FOCAD: variants seen among roughly 807,000 people sequenced by gnomAD.
FOCAD encodes the protein focadhesin.
A neutral mutation model predicts 225.6 loss-of-function variants in FOCAD; 198 were observed. That is an observed-to-expected ratio of 0.88 (90% CI 0.78 to 0.99). The LOEUF (loss-of-function observed/expected upper bound fraction) is 0.99, where lower values mean the gene tolerates loss of function less well. FOCAD is among the 50% of genes least tolerant of loss of function. FOCAD has a pLI of 0.00. For missense variants in FOCAD, 2,713 were observed against 2,123.6 expected (o/e 1.28, Z -5.46); for synonymous variants, 897 against 755.0 (o/e 1.19, Z -3.08).
chr9:20,756,553 A>G (rs935396398), intron 5 of FOCAD, among the ~76,000 whole-genome samples: 7 of 152,206 alleles, frequency 4.6e-5, no homozygotes, highest in Non-Finnish European at 4.4e-5. Flanking sequence ...TAGCAGTCTA[A>G]GATAACAGAC....
chr9:20,689,677 A>T (rs1327258242), intron 1 of FOCAD, among the ~76,000 whole-genome samples: 4 of 152,178 alleles, frequency 2.6e-5, no homozygotes, highest in African/African-American at 4.8e-5. Flanking sequence ...GCGAGTAAAG[A>T]TTATTTAGAG....
intron 14 of FOCAD, 62 bp downstream of exon 14, chr9:20,821,133 T>G: frequency 6.7e-7 from 1 of 1,496,606 alleles, no homozygotes; most frequent in East Asian, 2.4e-5. Context: ...TTTAATTTTT[T>G]AATTGCAAGC....
intron 15 of FOCAD, among the ~76,000 whole-genome samples, chr9:20,844,418 T>C (rs537111106): frequency 7.8e-6 from 1 of 128,514 alleles, no homozygotes; most frequent in Non-Finnish European, 1.6e-5. Flanking sequence ...TGGAATGCAG[T>C]GGTGTGATCT....
chr9:20,765,439 GAAA>G (rs1003908083), intron 7 of FOCAD, among the ~76,000 whole-genome samples: 1 of 143,402 alleles, frequency 7.0e-6, no homozygotes, highest in African/African-American at 2.5e-5. Context: ...GTGCACATTG[GAAA>G]AAAAAAAAAG....
intron 2 of FOCAD, among the ~76,000 whole-genome samples, chr9:20,665,360 C>T (rs1024423268): frequency 6.6e-6 from 1 of 152,140 alleles, no homozygotes; most frequent in Non-Finnish European, 1.5e-5. Flanking sequence ...TACATTTACA[C>T]TGCTTAGGAC....
At chr9:20,919,975 A>C (rs890208790) in intron 24 of FOCAD, among the ~76,000 whole-genome samples, 4 of 152,072 alleles carry the variant, frequency 2.6e-5, no homozygotes, top group African/African-American at 9.6e-5. Flanking sequence ...ATCTAATTAA[A>C]CTAAAGAGCT....
At chr9:20,700,191 A>G (rs1199065448) in intron 1 of FOCAD, among the ~76,000 whole-genome samples, 1 of 152,038 alleles carries the variant, frequency 6.6e-6, no homozygotes, top group Non-Finnish European at 1.5e-5. Flanking sequence ...AATGGGAAAT[A>G]CACAGAGGTG....
intron 1 of FOCAD, among the ~76,000 whole-genome samples, chr9:20,688,732 T>C (rs560097271): frequency 3.3e-5 from 5 of 152,270 alleles, no homozygotes; most frequent in Admixed American, 2.6e-4. Context: ...AGTGGATGTC[T>C]AGAAGATAAG....
chr9:20,735,855 T>C (rs1043382701), intron 4 of FOCAD, among the ~76,000 whole-genome samples: 1 of 129,032 alleles, frequency 7.8e-6, no homozygotes, highest in Non-Finnish European at 1.7e-5. Flanking sequence ...AAAAAAAAAA[T>C]AACAGCTTAT....
intron 11 of FOCAD, among the ~76,000 whole-genome samples, chr9:20,790,659 T>A (rs1248675098): frequency 6.6e-6 from 1 of 152,170 alleles, no homozygotes; most frequent in African/African-American, 2.4e-5. Flanking sequence ...TAATCCCAGC[T>A]GCTCAGGAGG....
chr9:20,669,012 C>A (rs1587184236), intron 2 of FOCAD, among the ~76,000 whole-genome samples: 1 of 152,144 alleles, frequency 6.6e-6, no homozygotes, highest in African/African-American at 2.4e-5. Flanking sequence ...CTGTGACTTC[C>A]ATAGGAAGTC....
intron 21 of FOCAD, among the ~76,000 whole-genome samples, chr9:20,901,701 G>A (rs535659798): frequency 2.6e-4 from 40 of 151,830 alleles, no homozygotes; most frequent in African/African-American, 9.6e-4. Flanking sequence ...CTACAATTGC[G>A]AATTATGTTT....
chr9:20,893,049 A>G (rs891799480), intron 21 of FOCAD, among the ~76,000 whole-genome samples: 4 of 152,046 alleles, frequency 2.6e-5, no homozygotes, highest in Non-Finnish European at 5.9e-5. Context: ...GGACCTCACT[A>G]TGTTGCCCAG....
intron 35 of FOCAD, among the ~76,000 whole-genome samples, chr9:20,956,612 A>G (rs1051740210): frequency 6.6e-6 from 1 of 152,206 alleles, no homozygotes; most frequent in Non-Finnish European, 1.5e-5. Flanking sequence ...TGTCTTCCAA[A>G]AAAAGCCTTG....
At chr9:20,657,963 A>C (rs1821552283), upstream of FOCAD, among the ~76,000 whole-genome samples, 1 of 140,396 alleles carries the variant, frequency 7.1e-6, no homozygotes. Context: ...TTTGGTGTGG[A>C]TGTCCTTTCT....
At chr9:20,693,325 G>C (rs551451303) in intron 1 of FOCAD, among the ~76,000 whole-genome samples, 1 of 152,140 alleles carries the variant, frequency 6.6e-6, no homozygotes, top group African/African-American at 2.4e-5. Context: ...CAGGCTACTC[G>C]AGTACTTCCT....
In FOCAD at chr9:20,872,972, C is replaced by G. The variant is rs558779003; in HGVS notation, c.2191-1709C>G. The G allele has an allele frequency of 3.3e-5, 5 of 152,228 alleles. No individual in the cohort carries two copies. The South Asian group carries it at 6.2e-4, about 19-fold the overall frequency. The allele number at this position is 152,228 out of a possible 1,614,324, so 9.4% of individuals were successfully genotyped here. A position where few individuals can be genotyped will look rare whatever the true frequency, so the allele number is the denominator to read the frequency against. On this transcript the variant is annotated intron_variant, in intron 18 of 43. Coordinates refer to ENST00000338382, the MANE Select transcript of FOCAD (RefSeq NM_001375567.1). Reference sequence around the variant, plus strand: ...TATCTTAGTGTTTTCAAGATTCTTTCATGTGTAGCATGTATTTGTACTTTA... The same window carrying G: ...TATCTTAGTGTTTTCAAGATTCTTTGATGTGTAGCATGTATTTGTACTTTA...
At chr9:20,872,594 CTCCT>C (rs971157494) in intron 18 of FOCAD, among the ~76,000 whole-genome samples, 84 of 150,364 alleles carry the variant, frequency 5.6e-4, no homozygotes, top group African/African-American at 2.0e-3. Flanking sequence ...CCCTCCATAG[CTCCT>C]TCCTTCCTTC....
chr9:20,823,798 T>A (rs974707293), intron 15 of FOCAD, among the ~76,000 whole-genome samples: 3 of 152,118 alleles, frequency 2.0e-5, no homozygotes, highest in Admixed American at 2.0e-4. Flanking sequence ...TATGGTCAGT[T>A]ATGGTTGATA....
Sources: allele counts gnomAD v4.1 joint callset (sites outside exome capture counted in the v4.1 genomes callset), GRCh38; gene constraint gnomAD v4.1.1; transcripts MANE v1.5; gene names NCBI Gene and HGNC (gene_info 2026-07-23, HGNC 2026-07-21).